Variants in ALCAM observed in about 807,000 individuals in gnomAD.
The protein encoded by ALCAM is CD166 antigen.
In ALCAM, 30 loss-of-function variants were observed where a neutral mutation model predicts 70.9. That is an observed-to-expected ratio of 0.42 (90% CI 0.32 to 0.57). The LOEUF (loss-of-function observed/expected upper bound fraction) is 0.57, where lower values mean the gene tolerates loss of function less well. Among genes scored for constraint, ALCAM ranks in the 20% least tolerant of loss-of-function variants. ALCAM has a pLI of 0.11. For missense variants in ALCAM, 591 were observed against 695.1 expected (o/e 0.85, Z 1.68); for synonymous variants, 249 against 242.5 (o/e 1.03, Z -0.25).
intron 1 of ALCAM, among the ~76,000 whole-genome samples, chr3:105,402,611 C>A (rs1210711604): frequency 6.6e-6 from 1 of 152,104 alleles, no homozygotes; most frequent in African/African-American, 2.4e-5. Context: ...CCCGTGACTG[C>A]TGGCTTTCTC....
intron 14 of ALCAM, among the ~76,000 whole-genome samples, chr3:105,560,980 T>G (rs1940618559): frequency 2.0e-5 from 3 of 152,206 alleles, no homozygotes; most frequent in Admixed American, 2.0e-4. Context: ...ACAAATGAAT[T>G]TGGGTAGATT....
chr3:105,424,510 T>C (rs1007140141), intron 1 of ALCAM, among the ~76,000 whole-genome samples: 2 of 151,766 alleles, frequency 1.3e-5, no homozygotes, highest in Non-Finnish European at 2.9e-5. Flanking sequence ...ACTGAGAATT[T>C]ACCCCTCTTG....
chr3:105,372,835 AAAAACATCTATGAGATG>A (rs1318501333), intron 1 of ALCAM, among the ~76,000 whole-genome samples: 13 of 152,158 alleles, frequency 8.5e-5, no homozygotes, highest in African/African-American at 3.1e-4. Context: ...AAGTAAGACT[AAAAACATCTATGAGATG>A]AAACTAAACC....
intron 1 of ALCAM, among the ~76,000 whole-genome samples, chr3:105,438,871 AAAAT>A (rs1937110927): frequency 6.6e-6 from 1 of 152,126 alleles, no homozygotes; most frequent in African/African-American, 2.4e-5. Flanking sequence ...GATCTTGTTT[AAAAT>A]AAATAAATGA....
chr3:105,425,663 C>T (rs564730462), intron 1 of ALCAM, among the ~76,000 whole-genome samples: 6 of 151,716 alleles, frequency 4.0e-5, no homozygotes, highest in African/African-American at 1.2e-4. Flanking sequence ...CATGCAGAAC[C>T]TTATAACAAG....
At chr3:105,464,427 A>G (rs1206158580) in intron 1 of ALCAM, among the ~76,000 whole-genome samples, 1 of 151,216 alleles carries the variant, frequency 6.6e-6, no homozygotes, top group African/African-American at 2.4e-5. Context: ...TACTCAAGGT[A>G]GGACAATCTC....
chr3:105,567,752 A>G (rs1187099816), intron 14 of ALCAM, among the ~76,000 whole-genome samples: 1 of 152,128 alleles, frequency 6.6e-6, no homozygotes, highest in Non-Finnish European at 1.5e-5. Flanking sequence ...GCTGATTCCA[A>G]AATCTGTAAA....
intron 1 of ALCAM, among the ~76,000 whole-genome samples, chr3:105,372,682 C>T (rs1935265185): frequency 6.6e-6 from 1 of 152,078 alleles, no homozygotes; most frequent in Non-Finnish European, 1.5e-5. Flanking sequence ...AGTACTTCAA[C>T]ACAATGAAAC....
intron 1 of ALCAM, among the ~76,000 whole-genome samples, chr3:105,400,312 A>T (rs945219531): frequency 3.6e-4 from 55 of 152,162 alleles, no homozygotes; most frequent in African/African-American, 1.2e-3. Flanking sequence ...AAAATGCCTT[A>T]AAAAAATCTG....
At chr3:105,450,093 T>G (rs1937391626) in intron 1 of ALCAM, among the ~76,000 whole-genome samples, 1 of 152,162 alleles carries the variant, frequency 6.6e-6, no homozygotes, top group African/African-American at 2.4e-5. Context: ...ATAATGTTAT[T>G]AATAATAGTT....
At chr3:105,392,647 C>A (rs1490566697) in intron 1 of ALCAM, among the ~76,000 whole-genome samples, 3 of 151,728 alleles carry the variant, frequency 2.0e-5, no homozygotes. Flanking sequence ...TTTGGGTTCT[C>A]CAATTCTTTC....
intron 1 of ALCAM, among the ~76,000 whole-genome samples, chr3:105,469,627 A>G (rs1258420409): frequency 1.3e-5 from 2 of 151,230 alleles, no homozygotes; most frequent in African/African-American, 4.8e-5. Flanking sequence ...ATGTTTGTAC[A>G]AAATGTACTA....
At chr3:105,543,314 G>A (rs1389502614) in intron 8 of ALCAM, among the ~76,000 whole-genome samples, 5 of 151,662 alleles carry the variant, frequency 3.3e-5, no homozygotes, top group Non-Finnish European at 7.4e-5. Context: ...CTGGATTTTA[G>A]TGCATTTAAT....
intron 4 of ALCAM, among the ~76,000 whole-genome samples, chr3:105,532,437 T>C (rs1939862208): frequency 6.6e-6 from 1 of 152,090 alleles, no homozygotes; most frequent in South Asian, 2.1e-4. Flanking sequence ...ACCTTGTTTA[T>C]AAAAAATATT....
rs144940109 is a variant in ALCAM, at chr3:105,442,611, C to A, written c.73+75130C>A. ...CCTGGCTAACATGGTGAAACCCCAT[C>A]TCTACTAAAAACACAAAAAATTAGG... On this transcript the variant is annotated intron_variant, in intron 1 of 15. Transcript: ENST00000306107. Among the ~76,000 whole-genome samples, 1,291 of 152,012 alleles carry A rather than the reference C, an allele frequency of 8.5e-3. 19 individuals carry two copies. Among genetic ancestry groups the A allele is most frequent in the African/African-American group, 0.029 (1,205 of 41,476 alleles).
intron 14 of ALCAM, among the ~76,000 whole-genome samples, chr3:105,570,728 T>C (rs1211975656): frequency 6.6e-6 from 1 of 152,222 alleles, no homozygotes; most frequent in Non-Finnish European, 1.5e-5. Context: ...ATATGCACCA[T>C]TATACATGAA....
At chr3:105,368,031 G>A (rs1361101839) in intron 1 of ALCAM, among the ~76,000 whole-genome samples, 1 of 151,650 alleles carries the variant, frequency 6.6e-6, no homozygotes, top group Non-Finnish European at 1.5e-5. Context: ...TTAAAATCGT[G>A]GTTTCAACGT....
intron 1 of ALCAM, among the ~76,000 whole-genome samples, chr3:105,376,432 G>A (rs939236899): frequency 2.6e-5 from 4 of 152,314 alleles, no homozygotes; most frequent in Non-Finnish European, 5.9e-5. Context: ...AGGTCACATT[G>A]TTGGCCAATC....
intron 1 of ALCAM, among the ~76,000 whole-genome samples, chr3:105,480,362 T>G (rs947949507): frequency 1.3e-5 from 2 of 150,954 alleles, no homozygotes; most frequent in Admixed American, 1.3e-4. Flanking sequence ...AATAAATAAA[T>G]AAATAAATAA....
Sources: allele counts gnomAD v4.1 joint callset (sites outside exome capture counted in the v4.1 genomes callset), GRCh38; gene constraint gnomAD v4.1.1; transcripts MANE v1.5; gene names NCBI Gene and HGNC (gene_info 2026-07-23, HGNC 2026-07-21).